The following UNC79 variants were observed in gnomAD, a reference collection of about 807,000 sequenced individuals.
UNC79 encodes the protein protein unc-79 homolog.
Under a neutral mutation model 283.1 loss-of-function variants are expected in UNC79, and 37 were observed. That is an observed-to-expected ratio of 0.13 (90% CI 0.10 to 0.17). The LOEUF is 0.17. Ranked by LOEUF, UNC79 falls within the 10% of genes least tolerant of loss-of-function variation. The pLI, the probability that UNC79 is intolerant of heterozygous loss-of-function variation, is 1.00. For synonymous variants in UNC79, 1,107 were observed against 1,200.2 expected (o/e 0.92, Z 1.61); for missense variants, 2,272 against 3,211.1 (o/e 0.71, Z 7.07).
rs1364980942 is a variant in UNC79 at position 93,669,368 on chromosome 14, G to A, written c.6637-3983G>A. On this transcript the variant is annotated intron_variant, in intron 40 of 48. Coordinates refer to ENST00000555664, the Ensembl canonical transcript of UNC79. Reference sequence around the variant, plus strand: ...CAGAGGTGTTAGCCCAGCACTGATGGCCATTTTTACCCAGGGAGTGTTTGT... The same window carrying A: ...CAGAGGTGTTAGCCCAGCACTGATGACCATTTTTACCCAGGGAGTGTTTGT... Among the ~76,000 whole-genome samples, 4 of 152,244 alleles carry A rather than the reference G, an allele frequency of 2.6e-5. No homozygotes were observed. In the East Asian group the frequency reaches 7.7e-4, roughly 29 times the overall value.
intron 1 of UNC79, among the ~76,000 whole-genome samples, chr14:93,354,633 G>A (rs965492509): frequency 5.3e-5 from 8 of 152,126 alleles, no homozygotes; most frequent in Non-Finnish European, 1.0e-4. Flanking sequence ...GAGTAGCTGG[G>A]ACCACAGGCA....
chr14:93,360,611 G>T (rs964943213), intron 1 of UNC79, among the ~76,000 whole-genome samples: 1 of 152,096 alleles, frequency 6.6e-6, no homozygotes, highest in African/African-American at 2.4e-5. Flanking sequence ...CTACCTCAGG[G>T]GTATATCAAC....
intron 1 of UNC79, among the ~76,000 whole-genome samples, chr14:93,446,175 G>A (rs2056453549): frequency 6.6e-6 from 1 of 151,858 alleles, no homozygotes; most frequent in Non-Finnish European, 1.5e-5. Context: ...GTTTTAATTA[G>A]CTCTTCTTTT....
At chr14:93,653,315 C>G (rs989899446) in intron 35 of UNC79, among the ~76,000 whole-genome samples, 1 of 116,506 alleles carries the variant, frequency 8.6e-6, no homozygotes, top group African/African-American at 2.9e-5. Flanking sequence ...GAACATCTCT[C>G]TCACTGCATA....
At chr14:93,525,652 A>C (rs1342328467) in intron 8 of UNC79, among the ~76,000 whole-genome samples, 1 of 152,082 alleles carries the variant, frequency 6.6e-6, no homozygotes, top group Non-Finnish European at 1.5e-5. Flanking sequence ...CAATGATGAG[A>C]CTTTCATGGT....
At chr14:93,408,205 A>C (rs2055265656) in intron 1 of UNC79, among the ~76,000 whole-genome samples, 1 of 152,198 alleles carries the variant, frequency 6.6e-6, no homozygotes, top group African/African-American at 2.4e-5. Flanking sequence ...TAAGGGCTCT[A>C]ATAGAGAAAG....
At chr14:93,595,815 C>G (rs1403731339) in intron 23 of UNC79, among the ~76,000 whole-genome samples, 1 of 152,206 alleles carries the variant, frequency 6.6e-6, no homozygotes. Flanking sequence ...CGTGTCTTAT[C>G]TATTTTAGTC....
intron 23 of UNC79, among the ~76,000 whole-genome samples, chr14:93,594,457 A>T (rs1235064064): frequency 6.6e-6 from 1 of 152,108 alleles, no homozygotes; most frequent in Non-Finnish European, 1.5e-5. Context: ...TTTAGTAGAG[A>T]CAAGGTTTCA....
intron 14 of UNC79, among the ~76,000 whole-genome samples, chr14:93,553,419 A>G (rs898207895): frequency 6.6e-6 from 1 of 152,222 alleles, no homozygotes; most frequent in African/African-American, 2.4e-5. Flanking sequence ...GGGTCTTACA[A>G]GTTTTTCCCT....
intron 31 of UNC79, among the ~76,000 whole-genome samples, chr14:93,631,691 A>G (rs2068047096): frequency 6.6e-6 from 1 of 152,228 alleles, no homozygotes; most frequent in African/African-American, 2.4e-5. Context: ...TCATTTGACC[A>G]TCTTTTGATG....
intron 7 of UNC79, among the ~76,000 whole-genome samples, chr14:93,502,612 CT>C (rs2059350586): frequency 6.6e-6 from 1 of 152,144 alleles, no homozygotes; most frequent in Non-Finnish European, 1.5e-5. Flanking sequence ...AGCAATTTTC[CT>C]GTTACAGTGT....
intron 47 of UNC79, among the ~76,000 whole-genome samples, chr14:93,695,295 T>G (rs1002056488): frequency 2.0e-5 from 3 of 152,228 alleles, no homozygotes; most frequent in Admixed American, 6.5e-5. Flanking sequence ...GTTTCATTCC[T>G]TGGTTAACTC....
intron 39 of UNC79, among the ~76,000 whole-genome samples, chr14:93,660,195 T>A (rs1389203733): frequency 6.6e-6 from 1 of 152,194 alleles, no homozygotes. Context: ...TTAACTTGAC[T>A]GTGCTTTCAT....
chr14:93,543,202 G>GTAGA (rs1555446742), intron 14 of UNC79, among the ~76,000 whole-genome samples: 2 of 149,302 alleles, frequency 1.3e-5, no homozygotes, highest in East Asian at 4.0e-4. Flanking sequence ...TTTTAATCAT[G>GTAGA]TATATATATA....
chr14:93,687,031 G>C (rs2074294571), intron 43 of UNC79, among the ~76,000 whole-genome samples: 1 of 152,146 alleles, frequency 6.6e-6, no homozygotes, highest in East Asian at 1.9e-4. Context: ...CAAGATTCTT[G>C]TGACTCTCAA....
chr14:93,417,875 G>C (rs1308189727), intron 1 of UNC79, among the ~76,000 whole-genome samples: 2 of 151,858 alleles, frequency 1.3e-5, no homozygotes, highest in Non-Finnish European at 1.5e-5. Context: ...AGCTCCATGA[G>C]CTCCTTTAAG....
chr14:93,357,906 T>G (rs1165284549), intron 1 of UNC79, among the ~76,000 whole-genome samples: 6 of 38,040 alleles, frequency 1.6e-4, no homozygotes, highest in African/African-American at 5.8e-4. Flanking sequence ...GATATATATC[T>G]ATATATATCC....
At chr14:93,546,650 C>T (rs1278613077) in intron 14 of UNC79, among the ~76,000 whole-genome samples, 1 of 152,146 alleles carries the variant, frequency 6.6e-6, no homozygotes, top group East Asian at 1.9e-4. Context: ...TTCCTTGTAT[C>T]TGAAAAACAG....
chr14:93,706,634 G>A (rs45557238), intron 48 of UNC79, 70 bp from the exon 52 acceptor site: 17,239 of 1,578,704 alleles, frequency 0.011, 113 homozygotes, highest in Non-Finnish European at 0.013. Context: ...GCAAGAAGCC[G>A]CCCGGGTCGA....
Sources: allele counts gnomAD v4.1 joint callset (sites outside exome capture counted in the v4.1 genomes callset), GRCh38; gene constraint gnomAD v4.1.1; transcripts MANE v1.5; gene names NCBI Gene and HGNC (gene_info 2026-07-23, HGNC 2026-07-21).